The following XDH variants were observed in gnomAD, a reference collection of about 807,000 sequenced individuals.
XDH encodes xanthine dehydrogenase.
A neutral mutation model predicts 156.1 loss-of-function variants in XDH; 138 were observed. The ratio of observed to expected loss-of-function variants is 0.88; its 90% CI spans 0.77 to 1.02. The LOEUF (loss-of-function observed/expected upper bound fraction) is 1.02. Among genes scored for constraint, XDH ranks in the 50% least tolerant of loss-of-function variants. The pLI is 0.00. For missense variants in XDH, 1,849 were observed against 1,684.9 expected (o/e 1.10, Z -1.71); for synonymous variants, 669 against 625.7 (o/e 1.07, Z -1.03).
intron 3 of XDH, 112 bp downstream of exon 3, chr2:31,402,936 G>C (rs544490352): frequency 1.7e-6 from 2 of 1,147,882 alleles, no homozygotes; most frequent in South Asian, 2.5e-5. Flanking sequence ...CATAAAAACA[G>C]GGGCTCACAC....
chr2:31,403,157 G>A lies in XDH; in HGVS notation c.101-13C>T, dbSNP rs1478906505. The A allele has an allele frequency of 1.2e-6, 2 of 1,613,818 alleles. No individual in the cohort carries two copies. Among genetic ancestry groups the A allele is most frequent in the South Asian group, 2.2e-5 (2 of 91,078 alleles). On this transcript the variant is annotated splice_polypyrimidine_tract_variant and intron_variant, in intron 2 of 35. Transcript: ENST00000379416. ...CCACTCAGCCCCACTGGGTGGTCAA[G>A]AGTTAAGGAGAATGAACTCAGGGAG...
rs765080402 is a variant in XDH at position 31,414,710 on chromosome 2, A to G, written c.-44T>C. On this transcript the variant is annotated 5_prime_UTR_variant, in exon 1 of 36. Transcript: ENST00000379416. ...CCGAACTCCAGGTACCTCACTCCTA[A>G]GAGACACTGGCAGGTAGTTATCACT... The G allele has an allele frequency of 1.2e-6, 2 of 1,612,340 alleles. No homozygotes were observed. Among genetic ancestry groups the G allele is most frequent in the African/African-American group, 1.3e-5 (1 of 74,890 alleles).
chr2:31,402,380 G>C (rs944729106), intron 3 of XDH, among the ~76,000 whole-genome samples: 1 of 152,110 alleles, frequency 6.6e-6, no homozygotes, highest in Non-Finnish European at 1.5e-5. Context: ...AGCTGCTTGA[G>C]CTCATGAACT....
At position 31,372,384 on chromosome 2, in the gene XDH, C is replaced by A. The variant is rs747871197; in HGVS notation, c.1700G>T (p.Gly567Val). Residue 567 changes from glycine to valine, a missense_variant, in exon 17 of 36, where the codon GGT (glycine) becomes GTT (valine). Transcript: ENST00000379416. Reference protein sequence around the residue: ...DVQLFQEVPKGQSEEDMVGRP... With the variant: ...DVQLFQEVPKVQSEEDMVGRP... ...GCCCACCATGTCCTCCTCAGACTGA[C>A]CCTTGGGCACCTCCTGGAATGACAG... The A allele has an allele frequency of 1.4e-5, 22 of 1,613,958 alleles. No individual in the cohort carries two copies. The highest frequency in any genetic ancestry group is 1.8e-5 in the Non-Finnish European group (21 of 1,180,054).
chr2:31,335,230 T>A lies in XDH; in HGVS notation c.*728A>T, dbSNP rs1280942108. 2 of 151,352 alleles carry A rather than the reference T, an allele frequency of 1.3e-5. No individual in the cohort carries two copies. The highest frequency in any genetic ancestry group is 2.9e-5 in the Non-Finnish European group (2 of 67,812). 9.4% of individuals were successfully genotyped at this position (151,352 alleles called of 1,614,324 possible). On this transcript the variant is annotated 3_prime_UTR_variant, in exon 36 of 36. Transcript: ENST00000379416. ...CTTCAAATGTAAAGATTAAACATAA[T>A]CTTTTTTGTAAATACTCAAAGAGTA...
Position 31,339,690 on chromosome 2 carries a change from T to G in XDH, c.3586-13A>C. ...ATGCCCCTTCCACCTGCAGGATGGA[T>G]GGAGAGCACAGTTAGCCTGCCACCT... On this transcript the variant is annotated splice_polypyrimidine_tract_variant and intron_variant, in intron 33 of 35. Coordinates refer to ENST00000379416, the MANE Select transcript of XDH (RefSeq NM_000379.4). 1 of 1,613,734 alleles carries G rather than the reference T, an allele frequency of 6.2e-7. No individual in the cohort carries two copies.
At chr2:31,379,285 C>T (rs1351363588) in intron 13 of XDH, among the ~76,000 whole-genome samples, 1 of 152,178 alleles carries the variant, frequency 6.6e-6, no homozygotes, top group Admixed American at 6.5e-5. Flanking sequence ...CCATCCGCAC[C>T]AATCCACAGC....
intron 24 of XDH, among the ~76,000 whole-genome samples, chr2:31,360,824 T>A (rs1363691708): frequency 6.7e-6 from 1 of 148,510 alleles, no homozygotes; most frequent in East Asian, 1.9e-4. Context: ...GTTCTTGGAA[T>A]GTATCTCCTG....
intron 6 of XDH, among the ~76,000 whole-genome samples, chr2:31,395,161 T>C (rs116215782): frequency 0.026 from 3,928 of 151,918 alleles, 67 homozygotes; most frequent in Non-Finnish European, 0.036. Flanking sequence ...TTAGTTAATG[T>C]ATTGGTAAGA....
chr2:31,393,461 G>A (rs978950930), intron 6 of XDH, among the ~76,000 whole-genome samples: 4 of 152,038 alleles, frequency 2.6e-5, no homozygotes, highest in African/African-American at 9.7e-5. Flanking sequence ...AGTATATCAT[G>A]GTCCACCTTT....
At chr2:31,395,474 G>A (rs1198971807) in intron 6 of XDH, among the ~76,000 whole-genome samples, 1 of 152,118 alleles carries the variant, frequency 6.6e-6, no homozygotes, top group African/African-American at 2.4e-5. Context: ...AGAATGCTCT[G>A]GCATATTCCA....
intron 1 of XDH, 44 bp downstream of exon 1, chr2:31,414,581 C>A (rs770114987): frequency 8.1e-5 from 131 of 1,612,750 alleles, no homozygotes; most frequent in Non-Finnish European, 1.1e-4. Flanking sequence ...CATTTCCCCT[C>A]CCAGGGAGAA....
intron 13 of XDH, among the ~76,000 whole-genome samples, chr2:31,377,759 T>A (rs1446188864): frequency 2.0e-5 from 3 of 151,620 alleles, no homozygotes; most frequent in African/African-American, 7.3e-5. Context: ...CCGGGCACAG[T>A]GGCTCACGTC....
At chr2:31,389,854 G>GT (rs138232551) in intron 6 of XDH, among the ~76,000 whole-genome samples, 22,850 of 144,380 alleles carry the variant, frequency 0.16, 1,872 homozygotes, top group Middle Eastern at 0.22. Flanking sequence ...AAAAAAAAAA[G>GT]TTTTTTTTTT....
rs1685002061 is a variant in XDH at position 31,337,676 on chromosome 2, T to C, written c.3916A>G (p.Ile1306Val). The C allele has an allele frequency of 6.2e-7, 1 of 1,614,084 alleles. No individual in the cohort carries two copies. ...RLDSPATPEK[I>V]RNACVDKFTT... ...AACTTGTCCACGCAGGCATTGCGGA[T>C]CTTCTCCGGGGTGGCAGGGCTGTCT... is the stretch of plus-strand genomic sequence containing the variant. The change falls in exon 35 of 36, where the codon ATC becomes GTC. Residue 1306 changes from isoleucine to valine, a missense_variant. Ile to Val is a conservative substitution (Grantham distance 29). Coordinates refer to ENST00000379416, the MANE Select transcript of XDH (RefSeq NM_000379.4).
In XDH at chr2:31,363,380, G is replaced by GA. The variant is rs1227834350; in HGVS notation, c.2631+777dup. Among the ~76,000 whole-genome samples, 10 of 152,230 alleles carry GA rather than the reference G, an allele frequency of 6.6e-5. No individual in the cohort carries two copies. The South Asian group carries it at 1.9e-3, about 28-fold the overall frequency. On this transcript the variant is annotated intron_variant, in intron 24 of 35. Transcript: ENST00000379416. ...TATTCTGAGAGAAAGACACCAAACA[G>GA]AAAAAACTACATAGTGTATGGTTCT...
chr2:31,395,833 T>C (rs1686888330), intron 6 of XDH, among the ~76,000 whole-genome samples: 1 of 152,222 alleles, frequency 6.6e-6, no homozygotes, highest in South Asian at 2.1e-4. Flanking sequence ...TCAGCCTTTT[T>C]CTTCTTGTTT....
In XDH at chr2:31,373,225, G is replaced by A. The variant is rs567299435; in HGVS notation, c.1686+648C>T. Among the ~76,000 whole-genome samples the A allele has an allele frequency of 1.4e-4, 21 of 152,340 alleles. No individual in the cohort carries two copies. In the South Asian group the frequency reaches 4.1e-3, roughly 30 times the overall value. On this transcript the variant is annotated intron_variant, in intron 16 of 35. Coordinates refer to ENST00000379416, the MANE Select transcript of XDH (RefSeq NM_000379.4). ...TTGCACAATTAGGAAATGGCAGAGT[G>A]TGGACACAAATTCAGGCAGTCAGGT...
rs183217948 is a variant in XDH at position 31,364,610 on chromosome 2, C to T, written c.2545-366G>A. On this transcript the variant is annotated intron_variant, in intron 23 of 35. Coordinates refer to ENST00000379416, the MANE Select transcript of XDH (RefSeq NM_000379.4). ...AGGGAAGAGAAACTAGGAAAGATAC[C>T]GGACTGTCTCCTCACAGATTTTGGT... Among the ~76,000 whole-genome samples the T allele has an allele frequency of 9.5e-4, 144 of 152,190 alleles. 1 individual carries two copies. The highest frequency in any genetic ancestry group is 3.4e-3 in the African/African-American group (142 of 41,526).
Sources: allele counts gnomAD v4.1 joint callset (sites outside exome capture counted in the v4.1 genomes callset), GRCh38; gene constraint gnomAD v4.1.1; transcripts MANE v1.5; gene names NCBI Gene and HGNC (gene_info 2026-07-23, HGNC 2026-07-21).